Variants in MSR1 observed in about 807,000 individuals in gnomAD.
MSR1 encodes macrophage scavenger receptor types I and II.
Under a neutral mutation model 47.2 loss-of-function variants are expected in MSR1, and 53 were observed. The ratio of observed to expected loss-of-function variants is 1.12; its 90% CI spans 0.90 to 1.41. The LOEUF is 1.41. Among genes scored for constraint, MSR1 ranks in the 40% most tolerant of loss-of-function variants. The pLI is 0.00. For synonymous variants in MSR1, 239 were observed against 185.6 expected (o/e 1.29, Z -2.34); for missense variants, 786 against 546.9 (o/e 1.44, Z -4.36).
At chr8:16,142,523 G>C (rs1800586731) in intron 8 of MSR1, among the ~76,000 whole-genome samples, 5 of 152,076 alleles carry the variant, frequency 3.3e-5, no homozygotes, top group Admixed American at 2.0e-4. Context: ...TACTTTGAAA[G>C]CATCATGATT....
chr8:16,156,373 A>G (rs1238219541), intron 5 of MSR1, among the ~76,000 whole-genome samples: 4 of 151,842 alleles, frequency 2.6e-5, no homozygotes, highest in Non-Finnish European at 4.4e-5. Context: ...ATAAATAAAG[A>G]TTATCTCATG....
At chr8:16,147,192 C>T (rs1800722950) in intron 7 of MSR1, among the ~76,000 whole-genome samples, 2 of 152,074 alleles carry the variant, frequency 1.3e-5, no homozygotes, top group African/African-American at 2.4e-5. Flanking sequence ...GTAAATATAT[C>T]AGGTCTTATA....
intron 9 of MSR1, among the ~76,000 whole-genome samples, chr8:16,117,987 A>C (rs1799916045): frequency 6.6e-6 from 1 of 152,168 alleles, no homozygotes; most frequent in African/African-American, 2.4e-5. Flanking sequence ...TCTTCCACAA[A>C]ACTGGTCCCT....
intron 7 of MSR1, among the ~76,000 whole-genome samples, chr8:16,149,118 T>C (rs942683352): frequency 6.6e-6 from 1 of 152,162 alleles, no homozygotes; most frequent in Non-Finnish European, 1.5e-5. Flanking sequence ...CATGACATTA[T>C]ACATCTGCTG....
chr8:16,116,943 T>TTAAA (rs1232418007), intron 9 of MSR1, among the ~76,000 whole-genome samples: 1 of 151,940 alleles, frequency 6.6e-6, no homozygotes, highest in Non-Finnish European at 1.5e-5. Context: ...TTTCCTTGAA[T>TTAAA]TAAAGTACAT....
chr8:16,170,379 A>G (rs139810232), intron 3 of MSR1, among the ~76,000 whole-genome samples: 47 of 152,048 alleles, frequency 3.1e-4, no homozygotes, highest in Non-Finnish European at 6.5e-4. Flanking sequence ...GAATAATTAT[A>G]GAGAATGAGG....
At chr8:16,144,999 G>A (rs1180867286) in intron 7 of MSR1, among the ~76,000 whole-genome samples, 1 of 151,778 alleles carries the variant, frequency 6.6e-6, no homozygotes, top group Non-Finnish European at 1.5e-5. Flanking sequence ...TAATTTACCA[G>A]CTAAAAAAAT....
chr8:16,148,730 G>A (rs1253542346), intron 7 of MSR1, among the ~76,000 whole-genome samples: 3 of 151,976 alleles, frequency 2.0e-5, no homozygotes, highest in Non-Finnish European at 1.5e-5. Flanking sequence ...AAAGTGCTAC[G>A]ATTACAGGTG....
intron 1 of MSR1, among the ~76,000 whole-genome samples, chr8:16,188,970 A>ATG (rs1439492657): frequency 2.6e-4 from 3 of 11,424 alleles, no homozygotes; most frequent in Admixed American, 1.3e-3. Flanking sequence ...ACACATACAT[A>ATG]TATATATATA....
At chr8:16,178,966 A>C (rs1010884540) in intron 1 of MSR1, among the ~76,000 whole-genome samples, 1 of 152,200 alleles carries the variant, frequency 6.6e-6, no homozygotes, top group African/African-American at 2.4e-5. Context: ...AAATTTGTAT[A>C]TCTCTCATAT....
chr8:16,187,260 G>A (rs954216133), intron 1 of MSR1, among the ~76,000 whole-genome samples: 5 of 149,668 alleles, frequency 3.3e-5, no homozygotes, highest in Admixed American at 1.4e-4. Flanking sequence ...CTACTCAGAA[G>A]GCTGAGACAG....
At chr8:16,181,273 T>C (rs2117220301) in intron 1 of MSR1, among the ~76,000 whole-genome samples, 1 of 152,324 alleles carries the variant, frequency 6.6e-6, no homozygotes, top group African/African-American at 2.4e-5. Context: ...ACTGCCACAC[T>C]GTCTTCCACA....
Position 16,109,957 on chromosome 8 carries a change from T to A in MSR1, c.*128A>T. The A allele has an allele frequency of 9.1e-7, 1 of 1,097,742 alleles. No homozygotes were observed. The highest frequency in any genetic ancestry group is 1.3e-6 in the Non-Finnish European group (1 of 744,792). 68.0% of individuals were successfully genotyped at this position (1,097,742 alleles called of 1,614,324 possible). A position where few individuals can be genotyped will look rare whatever the true frequency, so the allele number is the denominator to read the frequency against. ...GAAGGTGTTCAATATATTAATCCTG[T>A]AATCTAAAATATTATTTGGGCAATA... is the stretch of plus-strand genomic sequence containing the variant. On this transcript the variant is annotated 3_prime_UTR_variant, in exon 10 of 10. Transcript: ENST00000262101.
intron 9 of MSR1, among the ~76,000 whole-genome samples, chr8:16,112,755 T>C (rs1428597996): frequency 6.6e-6 from 1 of 151,932 alleles, no homozygotes; most frequent in Non-Finnish European, 1.5e-5. Flanking sequence ...TGAACTATTC[T>C]TTCTATTCGG....
chr8:16,139,345 A>C, intron 8 of MSR1: 1 of 961,106 alleles, frequency 1.0e-6, no homozygotes, highest in Non-Finnish European at 1.2e-6. Flanking sequence ...TTATGATTTC[A>C]CAGAGCATCT....
intron 1 of MSR1, among the ~76,000 whole-genome samples, chr8:16,185,580 C>T (rs150341351): frequency 2.1e-4 from 32 of 152,124 alleles, no homozygotes; most frequent in Admixed American, 8.5e-4. Flanking sequence ...TTTTCTAGAC[C>T]GCTCTCATCT....
At chr8:16,158,312 A>G (rs1342934768) in intron 5 of MSR1, among the ~76,000 whole-genome samples, 4 of 152,148 alleles carry the variant, frequency 2.6e-5, no homozygotes, top group Admixed American at 2.6e-4. Context: ...CTCCATGATT[A>G]CTTCTTAAAA....
At chr8:16,118,174 C>A (rs1023340380) in intron 9 of MSR1, among the ~76,000 whole-genome samples, 1 of 151,954 alleles carries the variant, frequency 6.6e-6, no homozygotes, top group African/African-American at 2.4e-5. Flanking sequence ...AAATAACTGG[C>A]AAATTTTATA....
chr8:16,148,224 T>C (rs539932249), intron 7 of MSR1, among the ~76,000 whole-genome samples: 6 of 152,164 alleles, frequency 3.9e-5, no homozygotes, highest in Admixed American at 3.3e-4. Context: ...TTATAGCTAA[T>C]TGCTTATGCA....
Sources: gnomAD v4.1 joint callset for allele counts (sites outside exome capture counted in the v4.1 genomes callset) on GRCh38, gnomAD v4.1.1 for gene constraint, MANE v1.5 for transcripts, NCBI Gene and HGNC (gene_info 2026-07-23, HGNC 2026-07-21) for gene names.